Variants in TMC5 observed in about 807,000 individuals in gnomAD.
TMC5 encodes the protein transmembrane channel like 5.
In TMC5, 86 loss-of-function variants were observed where a neutral mutation model predicts 110.5. That is an observed-to-expected ratio of 0.78 (90% CI 0.65 to 0.93). TMC5 has a LOEUF of 0.93. TMC5 is among the 40% of genes least tolerant of loss of function. The probability of loss-of-function intolerance (pLI) is 0.00; values close to 1 mark genes in which losing one functional copy is unlikely to be tolerated. For missense variants in TMC5, 1,144 were observed against 1,222.8 expected, an observed-to-expected ratio of 0.94 and a Z score of 0.96; for synonymous variants, 455 against 439.5, an observed-to-expected ratio of 1.04 and a Z score of -0.44.
intron 4 of TMC5, among the ~76,000 whole-genome samples, chr16:19,446,947 G>A (rs1164769522): frequency 6.6e-6 from 1 of 152,050 alleles, no homozygotes; most frequent in East Asian, 1.9e-4. Flanking sequence ...TACCCTCCAA[G>A]GCTCTAGGTG....
At chr16:19,474,297 A>C (rs755760858) in intron 12 of TMC5, 21 bp downstream of exon 12, 2 of 1,608,442 alleles carry the variant, frequency 1.2e-6, no homozygotes. Context: ...TGTCGCGCCC[A>C]ACACCAGCCT....
chr16:19,473,973 C>T (rs1380938615), intron 11 of TMC5, 152 bp from the exon 12 acceptor site: 3 of 657,082 alleles, frequency 4.6e-6, no homozygotes, highest in Non-Finnish European at 7.1e-6. Flanking sequence ...CGGTGAGACT[C>T]CATCTCAAAA....
Position 19,462,027 on chromosome 16 carries a change from C to T in TMC5, c.1149-1253C>T, listed in dbSNP as rs1274193903. 3.9e-5 allele frequency among the ~76,000 whole-genome samples: 6 copies of T among 152,034 alleles called. No individual in the cohort carries two copies. The East Asian group carries it at 5.8e-4, about 15-fold the overall frequency. The stretch of plus-strand genomic sequence containing the variant: ...TGACCATGACATTGGGATGGGCCTT[C>T]GAGGTGGACCAAAGAAAGCTAGGAA... On this transcript the variant is annotated intron_variant, in intron 6 of 21. Coordinates refer to ENST00000542583, the MANE Select transcript of TMC5 (RefSeq NM_001261841.2).
At chr16:19,414,107 C>A (rs1030910821), upstream of TMC5, among the ~76,000 whole-genome samples, 8 of 152,178 alleles carry the variant, frequency 5.3e-5, no homozygotes, top group Non-Finnish European at 1.0e-4. Flanking sequence ...CCTGTTCCAG[C>A]GTCTGCTCAT....
chr16:19,454,467 T>C (rs1467471745), intron 5 of TMC5, among the ~76,000 whole-genome samples: 1 of 152,218 alleles, frequency 6.6e-6, no homozygotes, highest in Non-Finnish European at 1.5e-5. Context: ...CTTGCTGGTT[T>C]TGTGACAAAT....
At chr16:19,472,516 A>T (rs926247975) in intron 11 of TMC5, among the ~76,000 whole-genome samples, 2 of 152,128 alleles carry the variant, frequency 1.3e-5, no homozygotes, top group African/African-American at 2.4e-5. Context: ...AAAAAATTTT[A>T]AAAATTAGCC....
intron 12 of TMC5, among the ~76,000 whole-genome samples, chr16:19,476,084 G>A (rs187091921): frequency 5.9e-5 from 9 of 152,094 alleles, no homozygotes; most frequent in Admixed American, 1.3e-4. Flanking sequence ...GCAGTGGCTC[G>A]TGCCTGTAAT....
At chr16:19,414,879 T>A (rs920393617), upstream of TMC5, among the ~76,000 whole-genome samples, 1 of 151,058 alleles carries the variant, frequency 6.6e-6, no homozygotes, top group Non-Finnish European at 1.5e-5. Context: ...GACCCCATCT[T>A]GACAAAAAAG....
chr16:19,413,523 C>CAAAAAAAAAAAAAA (rs869158130), upstream of TMC5, among the ~76,000 whole-genome samples: 1 of 52,962 alleles, frequency 1.9e-5, no homozygotes, highest in African/African-American at 4.9e-5. Flanking sequence ...AACCCTGCCT[C>CAAAAAAAAAAAAAA]AAAAAAAAAA....
chr16:19,419,659 G>A (rs1255273891), intron 1 of TMC5, among the ~76,000 whole-genome samples: 1 of 151,886 alleles, frequency 6.6e-6, no homozygotes, highest in Non-Finnish European at 1.5e-5. Context: ...TGATCCATCC[G>A]CCTCGGCCTC....
At chr16:19,425,327 CT>C (rs35472194) in intron 1 of TMC5, among the ~76,000 whole-genome samples, 59,465 of 124,396 alleles carry the variant, frequency 0.48, 15,327 homozygotes, top group South Asian at 0.69. Context: ...GTTGAGTTTG[CT>C]TTTTTTTTTT....
intron 15 of TMC5, among the ~76,000 whole-genome samples, chr16:19,486,556 T>C (rs142116817): frequency 1.3e-5 from 2 of 152,140 alleles, no homozygotes; most frequent in Non-Finnish European, 2.9e-5. Flanking sequence ...TTTGTATTTT[T>C]TGTAGAGATG....
chr16:19,470,685 A>G (rs960610643), intron 10 of TMC5, among the ~76,000 whole-genome samples: 2 of 140,132 alleles, frequency 1.4e-5, no homozygotes, highest in African/African-American at 2.7e-5. Flanking sequence ...AATAGTGCAG[A>G]GGTTGAGAAA....
chr16:19,442,995 A>G (rs893287432), intron 3 of TMC5, among the ~76,000 whole-genome samples: 5 of 152,122 alleles, frequency 3.3e-5, no homozygotes, highest in Non-Finnish European at 7.3e-5. Flanking sequence ...ACCCAACTTC[A>G]CTTATAGAAT....
chr16:19,450,601 AT>A (rs59382737), intron 5 of TMC5, among the ~76,000 whole-genome samples: 10,720 of 152,240 alleles, frequency 0.07, 769 homozygotes, highest in African/African-American at 0.19. Context: ...AACACGGCCA[AT>A]AGCAGGCCCA....
At chr16:19,450,332 CT>C (rs1345646036) in intron 5 of TMC5, among the ~76,000 whole-genome samples, 1 of 152,126 alleles carries the variant, frequency 6.6e-6, no homozygotes, top group Admixed American at 6.5e-5. Context: ...CTTCCAGCAC[CT>C]AGTACAGTGC....
chr16:19,418,509 G>A (rs1966906789), intron 1 of TMC5, among the ~76,000 whole-genome samples: 1 of 152,150 alleles, frequency 6.6e-6, no homozygotes, highest in Middle Eastern at 3.4e-3. Context: ...TCTATGTCTG[G>A]GGGTGTCTCC....
At chr16:19,492,943 A>ATATATATATATGT (rs61334845) in intron 19 of TMC5, among the ~76,000 whole-genome samples, 3 of 92,076 alleles carry the variant, frequency 3.3e-5, no homozygotes, top group Non-Finnish European at 7.2e-5. Flanking sequence ...TCTCTCTATA[A>ATATATATATATGT]GATAAATACT....
At chr16:19,461,937 C>T (rs891884898) in intron 6 of TMC5, among the ~76,000 whole-genome samples, 19 of 152,164 alleles carry the variant, frequency 1.2e-4, no homozygotes, top group African/African-American at 3.9e-4. Context: ...AAAGGTCTGC[C>T]CTCCCTGACT....
Sources: gnomAD v4.1 joint callset for allele counts (sites outside exome capture counted in the v4.1 genomes callset) on GRCh38, gnomAD v4.1.1 for gene constraint, MANE v1.5 for transcripts, NCBI Gene and HGNC (gene_info 2026-07-23, HGNC 2026-07-21) for gene names.